The following VNN1 variants were observed in gnomAD, a reference collection of about 807,000 sequenced individuals.
VNN1 encodes the protein pantetheinase.
A neutral mutation model predicts 41.9 loss-of-function variants in VNN1; 29 were observed. The ratio of observed to expected loss-of-function variants is 0.69; its 90% confidence interval spans 0.52 to 0.94. VNN1 has a LOEUF of 0.94. VNN1 is among the 40% of genes least tolerant of loss of function. The pLI is 0.00. For missense variants in VNN1, 637 were observed against 621.1 expected (o/e 1.03, Z -0.27); for synonymous variants, 233 against 224.4 (o/e 1.04, Z -0.34).
At chr6:132,686,602 C>T (rs59631470) in intron 5 of VNN1, among the ~76,000 whole-genome samples, 9 of 152,234 alleles carry the variant, frequency 5.9e-5, no homozygotes, top group South Asian at 2.1e-4. Flanking sequence ...CACTTACCTC[C>T]GATTTCCCCG....
chr6:132,710,427 G>A (rs1488849945), intron 2 of VNN1, among the ~76,000 whole-genome samples: 2 of 152,018 alleles, frequency 1.3e-5, no homozygotes, highest in Middle Eastern at 3.4e-3. Flanking sequence ...GAACATGCAG[G>A]CTTGTTACAT....
chr6:132,700,844 GTTTCT>G (rs1209101476), intron 2 of VNN1, among the ~76,000 whole-genome samples: 1 of 151,712 alleles, frequency 6.6e-6, no homozygotes, highest in Non-Finnish European at 1.5e-5. Context: ...TTTTCTGTTT[GTTTCT>G]TTAAATAAGG....
Position 132,711,806 on chromosome 6 carries a change from T to C in VNN1, c.244A>G (p.Ile82Val), listed in dbSNP as rs1219491500. Reference sequence around the variant, plus strand: ...TCCCTGTTGAAGTTCCAGCCATAAATAGCATCTTCTGGAGTCACAATAATA... The same window carrying C: ...TCCCTGTTGAAGTTCCAGCCATAAACAGCATCTTCTGGAGTCACAATAATA... ...AHIIVTPEDA[I>V]YGWNFNRDSL... The change falls in exon 2 of 7, where the codon ATT becomes GTT. Residue 82 changes from isoleucine to valine, a missense_variant. Ile to Val is a conservative substitution (Grantham distance 29). Coordinates refer to ENST00000367928, the MANE Select transcript of VNN1 (RefSeq NM_004666.3). The C allele has an allele frequency of 6.2e-7, 1 of 1,614,074 alleles. No individual in the cohort carries two copies. The highest frequency in any genetic ancestry group is 1.3e-5 in the African/African-American group (1 of 75,038).
At chr6:132,683,564 G>A (rs45516703) in intron 6 of VNN1, among the ~76,000 whole-genome samples, 4,290 of 152,242 alleles carry the variant, frequency 0.028, 195 homozygotes, top group African/African-American at 0.097. Context: ...TGGAAGCGCC[G>A]TAAGAGTTAA....
chr6:132,708,480 C>G (rs1778550500), intron 2 of VNN1, among the ~76,000 whole-genome samples: 1 of 152,120 alleles, frequency 6.6e-6, no homozygotes, highest in Admixed American at 6.5e-5. Context: ...CTTTAACGCT[C>G]AGTCTAAGAG....
At chr6:132,694,433 C>T (rs1193316788) in intron 2 of VNN1, among the ~76,000 whole-genome samples, 6 of 152,112 alleles carry the variant, frequency 3.9e-5, no homozygotes, top group African/African-American at 9.7e-5. Context: ...TAGCATTTAT[C>T]GTAATCTATA....
chr6:132,680,981 A>G lies in VNN1; in HGVS notation c.*2159T>C, dbSNP rs568024091. On this transcript the variant is annotated 3_prime_UTR_variant, in exon 7 of 7. Transcript: ENST00000367928. ...ATATAGCAAAAAGAAAAGGAAAACA[A>G]TCCTATTTTTTAAATTACATTGCAA... 9.8e-5 allele frequency among the ~76,000 whole-genome samples: 15 copies of G among 152,308 alleles called. No individual in the cohort carries two copies. Among genetic ancestry groups the G allele is most frequent in the Admixed American group, 4.6e-4 (7 of 15,304 alleles).
intron 6 of VNN1, 45 bp downstream of exon 6, chr6:132,684,290 C>T (rs1407185420): frequency 1.9e-6 from 3 of 1,559,762 alleles, no homozygotes; most frequent in African/African-American, 2.7e-5. Context: ...TCAAAAAGTG[C>T]TTCCTCTTAC....
chr6:132,687,306 G>A (rs1425627078), intron 5 of VNN1, among the ~76,000 whole-genome samples: 1 of 152,208 alleles, frequency 6.6e-6, no homozygotes, highest in African/African-American at 2.4e-5. Context: ...AAATTTAAGA[G>A]GAAAGGCAGT....
chr6:132,692,967 T>C, intron 4 of VNN1, 57 bp downstream of exon 4: 2 of 1,502,782 alleles, frequency 1.3e-6, no homozygotes, highest in Admixed American at 4.7e-5. Flanking sequence ...AACATGTTTT[T>C]TTTTTCTTTT....
Position 132,694,270 on chromosome 6 carries a change from T to C in VNN1, c.342-88A>G, listed in dbSNP as rs1407200647. The C allele has an allele frequency of 4.0e-6, 5 of 1,235,810 alleles. No individual in the cohort carries two copies. In the African/African-American group the frequency reaches 6.1e-5, roughly 15 times the overall value. 76.6% of individuals were successfully genotyped at this position (1,235,810 alleles called of 1,614,324 possible). ...CTGAATGATAGTTGCCTAAACCTAT[T>C]ATTTGATATATGCAAAAGTAAATTC... On this transcript the variant is annotated intron_variant, in intron 2 of 6. Coordinates refer to ENST00000367928, the MANE Select transcript of VNN1 (RefSeq NM_004666.3).
intron 5 of VNN1, among the ~76,000 whole-genome samples, chr6:132,686,450 A>C (rs1198041518): frequency 2.6e-5 from 4 of 152,178 alleles, no homozygotes; most frequent in Non-Finnish European, 5.9e-5. Context: ...TCTCTCAAAA[A>C]AAACAAAGTT....
At chr6:132,696,441 A>T (rs1282225599) in intron 2 of VNN1, among the ~76,000 whole-genome samples, 1 of 152,178 alleles carries the variant, frequency 6.6e-6, no homozygotes, top group African/African-American at 2.4e-5. Context: ...AAAGATATGA[A>T]TATAAAGATC....
intron 1 of VNN1, among the ~76,000 whole-genome samples, chr6:132,712,440 G>A (rs562901502): frequency 3.9e-5 from 6 of 152,172 alleles, no homozygotes; most frequent in East Asian, 1.9e-4. Flanking sequence ...ATGAGCCACC[G>A]CACCTGGCTT....
chr6:132,700,137 A>T (rs575708399), intron 2 of VNN1, among the ~76,000 whole-genome samples: 79 of 152,308 alleles, frequency 5.2e-4, no homozygotes, highest in Non-Finnish European at 9.6e-4. Flanking sequence ...TGAATATTGT[A>T]CCTAAAGAAA....
At chr6:132,698,808 G>C (rs1778410036) in intron 2 of VNN1, 1 of 222,042 alleles carries the variant, frequency 4.5e-6, no homozygotes, top group Non-Finnish European at 1.0e-5. Flanking sequence ...AAACCTGACT[G>C]TCAGAAACTG....
Position 132,694,191 on chromosome 6 carries a change from T to C in VNN1, c.342-9A>G, listed in dbSNP as rs1778334806. 3.2e-6 allele frequency: 5 copies of C among 1,558,742 alleles called. No individual in the cohort carries two copies. The highest frequency in any genetic ancestry group is 1.2e-5 in the South Asian group (1 of 83,216). On this transcript the variant is annotated splice_polypyrimidine_tract_variant and intron_variant, in intron 2 of 6. Transcript: ENST00000367928. ...CTGGGGTCTGGCCAAATCTGATACA[T>C]GTTTATTGGAGGAAAAAAATCTTTG...
chr6:132,709,357 CA>C (rs1027089126), intron 2 of VNN1, among the ~76,000 whole-genome samples: 1 of 151,736 alleles, frequency 6.6e-6, no homozygotes, highest in Non-Finnish European at 1.5e-5. Flanking sequence ...AATAGGTACT[CA>C]AAAAAAATTT....
rs1233075709 is a variant in VNN1 at position 132,686,523 on chromosome 6, TC to T, written c.1189-2019del. Among the ~76,000 whole-genome samples the T allele has an allele frequency of 2.0e-5, 3 of 152,292 alleles. No individual in the cohort carries two copies. In the East Asian group the frequency reaches 5.8e-4, roughly 29 times the overall value. On this transcript the variant is annotated intron_variant, in intron 5 of 6. Coordinates refer to ENST00000367928, the MANE Select transcript of VNN1 (RefSeq NM_004666.3). Reference sequence around the variant, plus strand: ...TTATTTCCTAAATTAGGCAACTGATTCAAGAAGGAAATTAGAAGAATCTTGA... The same window carrying T: ...TTATTTCCTAAATTAGGCAACTGATTAAGAAGGAAATTAGAAGAATCTTGA...
Sources: gnomAD v4.1 joint callset for allele counts (sites outside exome capture counted in the v4.1 genomes callset) on GRCh38, gnomAD v4.1.1 for gene constraint, MANE v1.5 for transcripts, NCBI Gene and HGNC (gene_info 2026-07-23, HGNC 2026-07-21) for gene names.